Variants in CDH23 observed in about 807,000 individuals in gnomAD.
CDH23 encodes the protein cadherin related 23.
In CDH23, 189 loss-of-function variants were observed where a neutral mutation model predicts 317.1. The ratio of observed to expected loss-of-function variants is 0.60; its 90% CI spans 0.53 to 0.67. The LOEUF is 0.67. Ranked by LOEUF, CDH23 falls within the 30% of genes least tolerant of loss-of-function variation. CDH23 has a pLI of 0.00. For missense variants in CDH23, 4,401 were observed against 4,592.4 expected (o/e 0.96, Z 1.20); for synonymous variants, 1,839 against 1,876.8 (o/e 0.98, Z 0.52).
Position 71,701,445 on chromosome 10 carries a change from C to T in CDH23, c.2398-577C>T, listed in dbSNP as rs190483776. On this transcript the variant is annotated intron_variant, in intron 22 of 69. Transcript: ENST00000224721. Reference sequence around the variant, plus strand: ...GGTTAGGATGGCACTGAGCACTGACCCCTTCATGACGTGGGGGTTATAAGT... The same window carrying T: ...GGTTAGGATGGCACTGAGCACTGACTCCTTCATGACGTGGGGGTTATAAGT... Among the ~76,000 whole-genome samples the T allele has an allele frequency of 5.8e-3, 883 of 152,198 alleles. 11 individuals carry two copies. Among genetic ancestry groups the T allele is most frequent in the African/African-American group, 0.02 (833 of 41,506 alleles).
chr10:71,603,208 C>G (rs959460086), intron 9 of CDH23, among the ~76,000 whole-genome samples: 15 of 152,174 alleles, frequency 9.9e-5, no homozygotes, highest in African/African-American at 3.1e-4. Flanking sequence ...GCCCCCTCCT[C>G]CTGCCATGGG....
chr10:71,710,844 G>A (rs1423239996), intron 27 of CDH23, among the ~76,000 whole-genome samples: 1 of 152,250 alleles, frequency 6.6e-6, no homozygotes, highest in Non-Finnish European at 1.5e-5. Context: ...CCACACTGGG[G>A]AAGGGGAGGC....
intron 1 of CDH23, among the ~76,000 whole-genome samples, chr10:71,399,682 T>C (rs1181450249): frequency 6.6e-6 from 1 of 152,124 alleles, no homozygotes; most frequent in African/African-American, 2.4e-5. Flanking sequence ...ACAGGATTGC[T>C]AGAGCCCAGG....
In CDH23 at chr10:71,805,839, T is replaced by A. The variant is rs535091206; in HGVS notation, c.7906T>A (p.Tyr2636Asn). 7 of 1,613,804 alleles carry A rather than the reference T, an allele frequency of 4.3e-6. No individual in the cohort carries two copies. In the African/African-American group the frequency reaches 9.3e-5, roughly 21 times the overall value. The change falls in exon 56 of 70, where the codon TAC (tyrosine) becomes AAC (asparagine). Residue 2636 changes from tyrosine (Y) to asparagine (N), a missense_variant. Physicochemically the swap from Tyr to Asn is moderately radical, Grantham distance 143. Coordinates refer to ENST00000224721, the MANE Select transcript of CDH23 (RefSeq NM_022124.6). ...IPLRSNVYEV[Y>N]ATDKDEGLNG... ...GCTGCGCTCCAACGTGTACGAGGTC[T>A]ACGCCACGGACAAGGATGAGGGCCT...
Position 71,764,090 on chromosome 10 carries a change from C to T in CDH23, c.4846-13590C>T, listed in dbSNP as rs142744060. Among the ~76,000 whole-genome samples, 252 of 152,284 alleles carry T rather than the reference C, an allele frequency of 1.7e-3. No homozygotes were observed. The South Asian group carries it at 0.019, about 11-fold the overall frequency. ...CAGGTCTCCTTTTCAGGCAGAAACA[C>T]AGAGACCCAGAAAGGGAAAGTGGTT... On this transcript the variant is annotated intron_variant, in intron 38 of 69. Transcript: ENST00000224721.
At chr10:71,593,314 T>C (rs535470881) in intron 9 of CDH23, among the ~76,000 whole-genome samples, 153 of 152,232 alleles carry the variant, frequency 1.0e-3, no homozygotes, top group African/African-American at 3.6e-3. Context: ...CCATACACCA[T>C]ATACCAAGGT....
intron 10 of CDH23, 95 bp downstream of exon 10, chr10:71,615,711 G>T (rs964255807): frequency 5.9e-6 from 5 of 841,506 alleles, no homozygotes; most frequent in Non-Finnish European, 7.7e-6. Flanking sequence ...TGCCCCCGGT[G>T]GTGGCGCCGG....
intron 38 of CDH23, among the ~76,000 whole-genome samples, chr10:71,772,287 C>T (rs2132913889): frequency 6.6e-6 from 1 of 152,336 alleles, no homozygotes; most frequent in Admixed American, 6.5e-5. Flanking sequence ...TCCCTCTTAT[C>T]CTATCACCCT....
chr10:71,646,344 C>T (rs986806171), intron 13 of CDH23, 115 bp from the exon 14 acceptor site: 1 of 1,492,116 alleles, frequency 6.7e-7, no homozygotes, highest in African/African-American at 1.4e-5. Context: ...TGGGCAGAGA[C>T]TCTAACAGGT....
At chr10:71,734,118 G>C in intron 32 of CDH23, 122 bp from the exon 33 acceptor site, 1 of 788,344 alleles carries the variant, frequency 1.3e-6, no homozygotes, top group Non-Finnish European at 2.2e-6. Flanking sequence ...TCAACAGACA[G>C]AGTGTCCTGG....
At chr10:71,618,128 T>A (rs1564690814) in intron 11 of CDH23, among the ~76,000 whole-genome samples, 1 of 152,216 alleles carries the variant, frequency 6.6e-6, no homozygotes, top group Non-Finnish European at 1.5e-5. Context: ...GTCTAATTCC[T>A]GTTTTTGGTG....
chr10:71,427,044 G>A (rs867231604), intron 1 of CDH23, among the ~76,000 whole-genome samples: 6 of 151,376 alleles, frequency 4.0e-5, no homozygotes, highest in South Asian at 4.2e-4. Context: ...CCAGCTACTC[G>A]GAAGGCTGAG....
At chr10:71,524,175 C>T (rs753638741) in intron 6 of CDH23, among the ~76,000 whole-genome samples, 10 of 152,218 alleles carry the variant, frequency 6.6e-5, no homozygotes, top group East Asian at 1.9e-4. Context: ...TAGCTTCTTA[C>T]GGGTGACTGT....
intron 38 of CDH23, among the ~76,000 whole-genome samples, chr10:71,752,547 T>G (rs1359676781): frequency 6.6e-6 from 1 of 152,054 alleles, no homozygotes; most frequent in Non-Finnish European, 1.5e-5. Context: ...ACTGCACCAC[T>G]CTGGGACCCC....
At chr10:71,619,074 C>T (rs1047900665) in intron 11 of CDH23, among the ~76,000 whole-genome samples, 1 of 152,126 alleles carries the variant, frequency 6.6e-6, no homozygotes, top group African/African-American at 2.4e-5. Context: ...GTGGCTCACA[C>T]CTGTAGTCCC....
At chr10:71,701,364 G>T (rs1332957919) in intron 22 of CDH23, among the ~76,000 whole-genome samples, 3 of 152,180 alleles carry the variant, frequency 2.0e-5, no homozygotes, top group Non-Finnish European at 2.9e-5. Flanking sequence ...TTATGACCTG[G>T]CTGTGTGGGA....
intron 2 of CDH23, among the ~76,000 whole-genome samples, chr10:71,441,553 T>C (rs1849880180): frequency 6.6e-6 from 1 of 151,978 alleles, no homozygotes; most frequent in Non-Finnish European, 1.5e-5. Context: ...ACCCCAACTC[T>C]AATAAAAATA....
At chr10:71,704,527 C>G (rs568249896) in intron 24 of CDH23, among the ~76,000 whole-genome samples, 4 of 152,280 alleles carry the variant, frequency 2.6e-5, no homozygotes, top group Admixed American at 2.6e-4. Flanking sequence ...CAGCCTTCTA[C>G]GTGGTTGAAC....
chr10:71,546,071 T>TC (rs1317797731), intron 6 of CDH23, among the ~76,000 whole-genome samples: 2 of 152,002 alleles, frequency 1.3e-5, no homozygotes, highest in East Asian at 3.9e-4. Context: ...CAGCCTCATT[T>TC]CCCCTCTGAT....
Sources: gnomAD v4.1 joint callset for allele counts (sites outside exome capture counted in the v4.1 genomes callset) on GRCh38, gnomAD v4.1.1 for gene constraint, MANE v1.5 for transcripts, NCBI Gene and HGNC (gene_info 2026-07-23, HGNC 2026-07-21) for gene names.